Variants in PPARGC1A observed in about 807,000 individuals in gnomAD.
PPARGC1A encodes PPARG coactivator 1 alpha, also known as peroxisome proliferator-activated receptor gamma coactivator 1-alpha.
In PPARGC1A, 25 loss-of-function variants were observed where a neutral mutation model predicts 88.7. The observed-to-expected ratio is 0.28, with a 90% confidence interval of 0.21 to 0.39. The LOEUF (loss-of-function observed/expected upper bound fraction) is 0.39, where lower values mean the gene tolerates loss of function less well. Ranked by LOEUF, PPARGC1A falls within the 10% of genes least tolerant of loss-of-function variation. The pLI is 1.00. For missense variants in PPARGC1A, 880 were observed against 968.7 expected (o/e 0.91, Z 1.22); for synonymous variants, 363 against 355.6 (o/e 1.02, Z -0.24).
the PPARGC1A span, among the ~76,000 whole-genome samples, chr4:24,229,487 G>A: frequency 1.2e-4 from 18 of 151,286 alleles, no homozygotes; most frequent in Admixed American, 2.6e-4. Flanking sequence ...TAATTCTATC[G>A]TTCAGCCTGG....
the PPARGC1A span, among the ~76,000 whole-genome samples, chr4:24,186,926 A>G: frequency 6.6e-6 from 1 of 152,352 alleles, no homozygotes; most frequent in African/African-American, 2.4e-5. Context: ...CAGTTTCCAG[A>G]TGAGCATCTA....
chr4:23,867,898 G>A (rs1445711406), intron 2 of PPARGC1A, among the ~76,000 whole-genome samples: 3 of 152,102 alleles, frequency 2.0e-5, no homozygotes, highest in African/African-American at 4.8e-5. Flanking sequence ...CAACAACAAC[G>A]ACAAAAACAG....
At chr4:24,000,671 C>T in the PPARGC1A span, among the ~76,000 whole-genome samples, 1 of 152,042 alleles carries the variant, frequency 6.6e-6, no homozygotes, top group African/African-American at 2.4e-5. Context: ...TCTTACGTGA[C>T]AGGACTTATT....
chr4:23,835,881 A>G (rs574859814), intron 2 of PPARGC1A, among the ~76,000 whole-genome samples: 1 of 152,260 alleles, frequency 6.6e-6, no homozygotes, highest in South Asian at 2.1e-4. Flanking sequence ...AATGGATGTG[A>G]CAAAGAGGAC....
At chr4:23,910,665 G>C in the PPARGC1A span, among the ~76,000 whole-genome samples, 6 of 150,882 alleles carry the variant, frequency 4.0e-5, no homozygotes, top group Non-Finnish European at 8.8e-5. Context: ...GTCTTGAACT[G>C]CTGACCTCAT....
the PPARGC1A span, among the ~76,000 whole-genome samples, chr4:24,464,595 T>C: frequency 6.6e-6 from 1 of 152,214 alleles, no homozygotes. Context: ...AGGCAAGAGA[T>C]TACATGGATG....
the PPARGC1A span, among the ~76,000 whole-genome samples, chr4:23,945,187 T>C: frequency 6.6e-6 from 1 of 152,174 alleles, no homozygotes; most frequent in Admixed American, 6.6e-5. Flanking sequence ...TTAGAACTTA[T>C]ACACCTAACA....
the PPARGC1A span, among the ~76,000 whole-genome samples, chr4:24,424,666 C>A: frequency 3.3e-5 from 5 of 152,178 alleles, no homozygotes; most frequent in African/African-American, 4.8e-5. Context: ...GTTCCAGTAT[C>A]CATCCCAGTT....
chr4:24,011,001 A>T, the PPARGC1A span, among the ~76,000 whole-genome samples: 1 of 152,124 alleles, frequency 6.6e-6, no homozygotes, highest in African/African-American at 2.4e-5. Flanking sequence ...AATGAGGGGT[A>T]GTGGGTTTCT....
chr4:24,049,332 G>A, the PPARGC1A span, among the ~76,000 whole-genome samples: 1 of 116,072 alleles, frequency 8.6e-6, no homozygotes, highest in African/African-American at 2.9e-5. Flanking sequence ...ATGTGTGTGT[G>A]TGTATATATA....
At chr4:24,149,656 T>C in the PPARGC1A span, among the ~76,000 whole-genome samples, 1 of 152,182 alleles carries the variant, frequency 6.6e-6, no homozygotes, top group Non-Finnish European at 1.5e-5. Flanking sequence ...AATGGTCCAA[T>C]AGATGCAGAT....
At chr4:23,990,412 C>A in the PPARGC1A span, among the ~76,000 whole-genome samples, 1 of 151,498 alleles carries the variant, frequency 6.6e-6, no homozygotes, top group South Asian at 2.1e-4. Flanking sequence ...AGAAGTGCAC[C>A]CTAGATTGTA....
chr4:24,105,263 C>T, the PPARGC1A span, among the ~76,000 whole-genome samples: 1 of 152,204 alleles, frequency 6.6e-6, no homozygotes, highest in South Asian at 2.1e-4. Flanking sequence ...AAAACAGCCA[C>T]CACCAGTTTC....
At chr4:23,832,793 G>A (rs1295145071) in intron 2 of PPARGC1A, among the ~76,000 whole-genome samples, 1 of 151,816 alleles carries the variant, frequency 6.6e-6, no homozygotes, top group South Asian at 2.1e-4. Flanking sequence ...TGTATTTTTA[G>A]TGAAGATGGG....
the PPARGC1A span, among the ~76,000 whole-genome samples, chr4:24,182,104 A>T: frequency 6.6e-6 from 1 of 152,024 alleles, no homozygotes; most frequent in Non-Finnish European, 1.5e-5. Flanking sequence ...ATAGGTTTTA[A>T]GTCCCGCATG....
chr4:24,138,601 T>C, the PPARGC1A span, among the ~76,000 whole-genome samples: 1 of 152,186 alleles, frequency 6.6e-6, no homozygotes, highest in Non-Finnish European at 1.5e-5. Context: ...GAAATGCACT[T>C]TCTTTTGCAA....
the PPARGC1A span, among the ~76,000 whole-genome samples, chr4:24,109,579 T>C: frequency 2.0e-5 from 3 of 152,308 alleles, no homozygotes; most frequent in Admixed American, 2.0e-4. Context: ...CCATCCCAAC[T>C]TACGGCATCT....
At chr4:23,980,850 T>G in the PPARGC1A span, among the ~76,000 whole-genome samples, 1 of 152,120 alleles carries the variant, frequency 6.6e-6, no homozygotes, top group East Asian at 1.9e-4. Context: ...AGATCACATG[T>G]CTTCACCTTA....
the PPARGC1A span, among the ~76,000 whole-genome samples, chr4:24,251,145 T>G: frequency 6.6e-6 from 1 of 152,372 alleles, no homozygotes; most frequent in South Asian, 2.1e-4. Flanking sequence ...TACACACTAA[T>G]TAGCATAAGT....
Sources: gnomAD v4.1 joint callset for allele counts (sites outside exome capture counted in the v4.1 genomes callset) on GRCh38, gnomAD v4.1.1 for gene constraint, MANE v1.5 for transcripts, NCBI Gene and HGNC (gene_info 2026-07-23, HGNC 2026-07-21) for gene names.